The following PAN3 variants were observed in gnomAD, a reference collection of about 807,000 sequenced individuals.
PAN3 encodes PAN2-PAN3 deadenylation complex subunit PAN3.
A neutral mutation model predicts 96.2 loss-of-function variants in PAN3; 19 were observed. That is an observed-to-expected ratio of 0.20 (90% CI 0.14 to 0.29). The LOEUF is 0.29. PAN3 is among the 10% of genes least tolerant of loss of function. The probability of loss-of-function intolerance (pLI) is 1.00; values close to 1 mark genes in which losing one functional copy is unlikely to be tolerated. For missense variants in PAN3, 882 were observed against 1,108.1 expected, an observed-to-expected ratio of 0.80 and a Z score of 2.90; for synonymous variants, 433 against 406.6, an observed-to-expected ratio of 1.06 and a Z score of -0.78.
In PAN3 at chr13:28,233,268, C is replaced by CTT. The variant is rs773196328; in HGVS notation, c.1000+12905_1000+12906dup. 9.6e-3 allele frequency among the ~76,000 whole-genome samples: 1,275 copies of CTT among 132,368 alleles called. 17 individuals are homozygous for CTT. The highest frequency in any genetic ancestry group is 0.033 in the African/African-American group (1,201 of 36,398). The allele number at this position is 132,368 out of a possible 152,430, so 86.8% of individuals were successfully genotyped here. ...TTCCTAATATTTGGAAATTATGACACTTTTTTTTTTTTTTTTCAGGCGGAG... is the reference window on the plus strand; with the variant it reads ...TTCCTAATATTTGGAAATTATGACACTTTTTTTTTTTTTTTTTTCAGGCGGAG... On this transcript the variant is annotated intron_variant, in intron 6 of 18. Coordinates refer to ENST00000380958, the MANE Select transcript of PAN3 (RefSeq NM_175854.8).
intron 1 of PAN3, among the ~76,000 whole-genome samples, chr13:28,151,629 A>G (rs1871376885): frequency 6.6e-6 from 1 of 152,160 alleles, no homozygotes; most frequent in African/African-American, 2.4e-5. Context: ...AGCATTGAAA[A>G]TGGCAAGAAC....
intron 6 of PAN3, among the ~76,000 whole-genome samples, chr13:28,249,718 G>A (rs1021977095): frequency 1.3e-5 from 2 of 152,166 alleles, no homozygotes; most frequent in African/African-American, 2.4e-5. Flanking sequence ...CCAAAGTGTA[G>A]GGATTACAGG....
chr13:28,270,576 CAT>C (rs1886529761), intron 12 of PAN3, 123 bp from the exon 13 acceptor site: 2 of 959,018 alleles, frequency 2.1e-6, no homozygotes, highest in Admixed American at 2.7e-5. Context: ...CATACACACA[CAT>C]ATATAAATTG....
chr13:28,287,054 G>A (rs116486612), intron 17 of PAN3, among the ~76,000 whole-genome samples: 2,961 of 151,532 alleles, frequency 0.02, 102 homozygotes, highest in African/African-American at 0.065. Context: ...GTATTCTGTC[G>A]TCTTTTCTTC....
chr13:28,216,014 A>G (rs1402161180), intron 5 of PAN3: 28 of 634,258 alleles, frequency 4.4e-5, no homozygotes, highest in Non-Finnish European at 3.4e-5. Flanking sequence ...AAAGATAACA[A>G]TGCATCTTAA....
intron 17 of PAN3, among the ~76,000 whole-genome samples, chr13:28,282,462 T>A (rs1868397918): frequency 6.6e-6 from 1 of 152,094 alleles, no homozygotes; most frequent in Non-Finnish European, 1.5e-5. Context: ...TGTTAAACCA[T>A]TTTTAATAAA....
intron 14 of PAN3, among the ~76,000 whole-genome samples, chr13:28,275,876 C>T (rs1887014199): frequency 6.6e-6 from 1 of 152,172 alleles, no homozygotes; most frequent in Non-Finnish European, 1.5e-5. Context: ...CAGTCTGTCT[C>T]CTTATCTCAT....
chr13:28,193,816 A>G (rs919217271), intron 4 of PAN3, among the ~76,000 whole-genome samples: 1 of 150,920 alleles, frequency 6.6e-6, no homozygotes, highest in African/African-American at 2.4e-5. Context: ...TGTTTACTGT[A>G]CTACTACATA....
chr13:28,208,111 A>G (rs1341644660), intron 5 of PAN3, among the ~76,000 whole-genome samples: 7 of 152,204 alleles, frequency 4.6e-5, no homozygotes, highest in Non-Finnish European at 1.0e-4. Context: ...ATCAACGTGG[A>G]AAATATTTGA....
intron 6 of PAN3, among the ~76,000 whole-genome samples, chr13:28,228,801 G>A (rs1882255216): frequency 6.6e-6 from 1 of 152,184 alleles, no homozygotes; most frequent in Non-Finnish European, 1.5e-5. Flanking sequence ...CTCAGCCATA[G>A]TTAATATAGG....
At position 28,220,339 on chromosome 13, in the gene PAN3, C is replaced by T. The variant is rs771440477; in HGVS notation, c.961C>T (p.Pro321Ser). ...TGCCTTCTCTCAAGTTTTCTCTCAC[C>T]CATCCATGGGAAGCCCTGCTACTGC... The part of the protein sequence containing the change: ...MSAFSQVFSH[P>S]SMGSPATAGL... Residue 321 changes from proline to serine, a missense_variant, in exon 6 of 19, where the codon CCA becomes TCA. Physicochemically the swap from Pro to Ser is moderately conservative, Grantham distance 74. Around this residue, in one of 3 missense-constraint regions of PAN3, gnomAD observed 442 missense variants for 422.8 expected, o/e 1.05. Coordinates refer to ENST00000380958, the MANE Select transcript of PAN3 (RefSeq NM_175854.8). 2.5e-6 allele frequency: 4 copies of T among 1,613,624 alleles called. No homozygotes were observed. Among genetic ancestry groups the T allele is most frequent in the Middle Eastern group, 1.6e-4 (1 of 6,084 alleles).
chr13:28,234,984 A>G (rs1395792490), intron 6 of PAN3, among the ~76,000 whole-genome samples: 2 of 152,324 alleles, frequency 1.3e-5, no homozygotes, highest in Middle Eastern at 3.4e-3. Context: ...AATCTTAAAT[A>G]TAGACCAAAT....
chr13:28,146,300 G>GTCTCTCTCTC (rs71086834), intron 1 of PAN3, among the ~76,000 whole-genome samples: 35 of 143,508 alleles, frequency 2.4e-4, no homozygotes, highest in African/African-American at 7.6e-5. Context: ...CTCTTTCTCT[G>GTCTCTCTCTC]TCTCTCTCTC....
intron 1 of PAN3, among the ~76,000 whole-genome samples, chr13:28,170,161 C>T (rs1874121034): frequency 1.3e-5 from 2 of 152,198 alleles, no homozygotes; most frequent in Admixed American, 1.3e-4. Flanking sequence ...GGTGTTTCCT[C>T]TGCTAGGGAG....
chr13:28,267,724 T>A (rs955295197), intron 12 of PAN3, among the ~76,000 whole-genome samples: 7 of 152,134 alleles, frequency 4.6e-5, no homozygotes, highest in African/African-American at 1.7e-4. Flanking sequence ...TTTCCCCCTG[T>A]AAAACTGTCA....
intron 5 of PAN3, among the ~76,000 whole-genome samples, chr13:28,205,774 G>T (rs1879271275): frequency 6.6e-6 from 1 of 151,628 alleles, no homozygotes; most frequent in South Asian, 2.1e-4. Context: ...GTTCGAGGCT[G>T]CAGTGAGCTG....
chr13:28,138,376 G>A (rs186148903), upstream of PAN3: 677 of 191,474 alleles, frequency 3.5e-3, 3 homozygotes, highest in African/African-American at 0.015. Context: ...GTCTGGGCCC[G>A]CGCGCTCACC....
rs1051256333 is a variant in PAN3, at chr13:28,272,092, A to G, written c.2049+21A>G. On this transcript the variant is annotated intron_variant, in intron 14 of 18. Transcript: ENST00000380958. ...ACCAGGTGAGTAAGAATTAACATGG[A>G]TATTTACTTGTTTTCCTTTATTAAA... 4 of 1,441,556 alleles carry G rather than the reference A, an allele frequency of 2.8e-6. No individual in the cohort carries two copies. The African/African-American group carries it at 5.7e-5, about 21-fold the overall frequency. 89.3% of individuals were successfully genotyped at this position (1,441,556 alleles called of 1,614,324 possible). A position where few individuals can be genotyped will look rare whatever the true frequency, so the allele number is the denominator to read the frequency against.
chr13:28,270,488 A>G lies in PAN3; in HGVS notation c.1793-213A>G, dbSNP rs150535908. Among the ~76,000 whole-genome samples, 728 of 152,342 alleles carry G rather than the reference A, an allele frequency of 4.8e-3. 6 individuals are homozygous for G. The highest frequency in any genetic ancestry group is 0.017 in the Middle Eastern group (5 of 294). On this transcript the variant is annotated intron_variant, in intron 12 of 18. Coordinates refer to ENST00000380958, the MANE Select transcript of PAN3 (RefSeq NM_175854.8). Reference sequence around the variant, plus strand: ...AAAAGAGCATTTCAGTGAGAGCCCTATTGCTGGTATCAATATAAAAGGCAT... The same window carrying G: ...AAAAGAGCATTTCAGTGAGAGCCCTGTTGCTGGTATCAATATAAAAGGCAT...
Sources: gnomAD v4.1 joint callset for allele counts (sites outside exome capture counted in the v4.1 genomes callset) on GRCh38, gnomAD v4.1.1 for gene constraint, gnomAD v4.1.1 regional missense constraint, MANE v1.5 for transcripts, NCBI Gene and HGNC (gene_info 2026-07-23, HGNC 2026-07-21) for gene names.